ZNF276: variants seen among roughly 807,000 people sequenced by gnomAD.
The protein encoded by ZNF276 is centromere protein Z.
ZNF276 carries 59 observed loss-of-function variants against 63.9 expected under a neutral mutation model. The observed-to-expected ratio is 0.92, with a 90% CI of 0.75 to 1.15. The LOEUF is 1.15. ZNF276 is among the 50% of genes most tolerant of loss of function. The probability of loss-of-function intolerance (pLI) is 0.00; values close to 1 mark genes in which losing one functional copy is unlikely to be tolerated. For missense variants in ZNF276, 1,084 were observed against 843.8 expected, an observed-to-expected ratio of 1.28 and a Z score of -3.53; for synonymous variants, 496 against 348.4, an observed-to-expected ratio of 1.42 and a Z score of -4.72.
chr16:89,737,666 G>C lies in ZNF276; in HGVS notation c.1475-140G>C, dbSNP rs990780550. 5.3e-6 allele frequency: 8 copies of C among 1,498,052 alleles called. No individual in the cohort carries two copies. The African/African-American group carries it at 9.8e-5, about 18-fold the overall frequency. The allele number at this position is 1,498,052 out of a possible 1,614,324, so 92.8% of individuals were successfully genotyped here. A position where few individuals can be genotyped will look rare whatever the true frequency, so the allele number is the denominator to read the frequency against. On this transcript the variant is annotated intron_variant, in intron 9 of 10. Transcript: ENST00000443381. Reference sequence around the variant, plus strand: ...GATCTTAATAAACGAGGCCCTCATAGGCCCCTTGCTTGGGCCCACTGCATG... The same window carrying C: ...GATCTTAATAAACGAGGCCCTCATACGCCCCTTGCTTGGGCCCACTGCATG...
At position 89,738,305 on chromosome 16, in the gene ZNF276, C is replaced by G. The variant is rs1693023148; in HGVS notation, c.*59C>G. The G allele has an allele frequency of 6.5e-7, 1 of 1,531,376 alleles. No individual in the cohort carries two copies. The highest frequency in any genetic ancestry group is 1.4e-5 in the African/African-American group (1 of 72,918). The allele number at this position is 1,531,376 out of a possible 1,614,324, so 94.9% of individuals were successfully genotyped here. On this transcript the variant is annotated 3_prime_UTR_variant, in exon 11 of 11. Transcript: ENST00000443381. ...TGGACTCCGCAGTGGCTGTGTCAGC[C>G]TCACCCTTCGTGTGCACCCGCATGG... is the stretch of plus-strand genomic sequence containing the variant.
intron 9 of ZNF276, among the ~76,000 whole-genome samples, chr16:89,736,517 G>C (rs961296680): frequency 6.6e-6 from 1 of 151,524 alleles, no homozygotes; most frequent in African/African-American, 2.4e-5. Context: ...TAGAGACAGG[G>C]TTTTACCATA....
At chr16:89,733,640 C>A in intron 8 of ZNF276, 83 bp downstream of exon 8, 1 of 1,512,272 alleles carries the variant, frequency 6.6e-7, no homozygotes, top group Non-Finnish European at 9.2e-7. Context: ...TGCAGCCTAA[C>A]TCAGACTTGC....
At chr16:89,727,805 G>A (rs1187472655) in intron 5 of ZNF276, among the ~76,000 whole-genome samples, 1 of 152,236 alleles carries the variant, frequency 6.6e-6, no homozygotes, top group Non-Finnish European at 1.5e-5. Flanking sequence ...AGATGTTTCT[G>A]GAGTAGAGAA....
chr16:89,723,030 T>G, intron 2 of ZNF276, 107 bp from the exon 3 acceptor site: 1 of 1,604,638 alleles, frequency 6.2e-7, no homozygotes, highest in South Asian at 1.1e-5. Context: ...AAGAGAAAGT[T>G]GCCTATGGGG....
chr16:89,731,004 C>T (rs1380893091), intron 6 of ZNF276, among the ~76,000 whole-genome samples: 16 of 152,226 alleles, frequency 1.1e-4, no homozygotes. Flanking sequence ...TGAGCCCAGC[C>T]CACCCGGTCC....
chr16:89,737,649 T>C (rs1264247617), intron 9 of ZNF276, 157 bp from the exon 10 acceptor site: 9 of 1,412,400 alleles, frequency 6.4e-6, no homozygotes, highest in South Asian at 1.5e-5. Flanking sequence ...AAGATCTTAA[T>C]AAACGAGGCC....
In ZNF276 at chr16:89,721,866, T is replaced by TGGCGGGTTGGGGTCGC. The variant is rs1459558571; in HGVS notation, c.205+25_205+40dup. 2.5e-6 allele frequency: 3 copies of TGGCGGGTTGGGGTCGC among 1,199,542 alleles called. No homozygotes were observed. The East Asian group carries it at 1.0e-4, about 42-fold the overall frequency. 74.3% of individuals were successfully genotyped at this position (1,199,542 alleles called of 1,614,324 possible). A position where few individuals can be genotyped will look rare whatever the true frequency, so the allele number is the denominator to read the frequency against. On this transcript the variant is annotated intron_variant, in intron 1 of 10. Coordinates refer to ENST00000443381, the MANE Select transcript of ZNF276 (RefSeq NM_001113525.2). ...GGCAGGTGGGTCCGCGGCCCGGGCG[T>TGGCGGGTTGGGGTCGC]GGCGGGTTGGGGTCGCGGCAGGGGT...
Position 89,740,379 on chromosome 16 carries a change from C to A in ZNF276, c.*2133C>A. On this transcript the variant is annotated 3_prime_UTR_variant, in exon 11 of 11. Coordinates refer to ENST00000443381, the MANE Select transcript of ZNF276 (RefSeq NM_001113525.2). ...CACAGGCCGGATGCAGTGGCTCATGCCTGTAATCCCAACACTTTGGGAGGC... is the reference window on the plus strand; with the variant it reads ...CACAGGCCGGATGCAGTGGCTCATGACTGTAATCCCAACACTTTGGGAGGC... The A allele has an allele frequency of 2.0e-6, 1 of 507,144 alleles. No homozygotes were observed. Among genetic ancestry groups the A allele is most frequent in the African/African-American group, 1.9e-5 (1 of 52,130 alleles). The allele number at this position is 507,144 out of a possible 1,614,324, so 31.4% of individuals were successfully genotyped here. A position where few individuals can be genotyped will look rare whatever the true frequency, so the allele number is the denominator to read the frequency against.
At chr16:89,725,835 CAG>C (rs1006424115) in intron 4 of ZNF276, among the ~76,000 whole-genome samples, 2 of 152,120 alleles carry the variant, frequency 1.3e-5, no homozygotes, top group Non-Finnish European at 2.9e-5. Context: ...TAAGTAGAGA[CAG>C]GGTCTCACTC....
Position 89,733,561 on chromosome 16 carries a change from A to G in ZNF276, c.1356+4A>G, listed in dbSNP as rs772176484. On this transcript the variant is annotated splice_donor_region_variant and intron_variant, in intron 8 of 10. Coordinates refer to ENST00000443381, the MANE Select transcript of ZNF276 (RefSeq NM_001113525.2). The stretch of plus-strand genomic sequence containing the variant: ...CCGAGGCGCTGACGGCATGAAGGTG[A>G]GCACTGGCTGTGCCTGACCCAGGCC... 1 of 1,613,756 alleles carries G rather than the reference A, an allele frequency of 6.2e-7. No homozygotes were observed. Among genetic ancestry groups the G allele is most frequent in the Non-Finnish European group, 8.5e-7 (1 of 1,180,008 alleles).
chr16:89,723,968 C>T (rs1357431103), intron 4 of ZNF276, among the ~76,000 whole-genome samples: 1 of 152,238 alleles, frequency 6.6e-6, no homozygotes, highest in African/African-American at 2.4e-5. Flanking sequence ...CGCTCATCAG[C>T]CGTCGAGTCT....
rs1567592284 is a variant in ZNF276 at position 89,739,011 on chromosome 16, CATACAG to C, written c.*767_*772del. 1.9e-6 allele frequency: 3 copies of C among 1,614,104 alleles called. No homozygotes were observed. The highest frequency in any genetic ancestry group is 2.5e-6 in the Non-Finnish European group (3 of 1,180,042). The stretch of plus-strand genomic sequence containing the variant: ...ACAGGCAAACTCACAGGTTAGAAGA[CATACAG>C]AAACAGGGCTGGTGTGTCCCCCATA... On this transcript the variant is annotated 3_prime_UTR_variant, in exon 11 of 11. Coordinates refer to ENST00000443381, the MANE Select transcript of ZNF276 (RefSeq NM_001113525.2).
In ZNF276 at chr16:89,721,823, C is replaced by G. The variant is rs1030856832; in HGVS notation, c.183C>G (p.Gly61=). ...WGPVGSCGDA[G]EDGADEAGAG... ...CGGTGGGGTCCTGCGGGGACGCGGGCGAGGACGGCGCGGACGAGGCAGGTG... is the reference window on the plus strand; with the variant it reads ...CGGTGGGGTCCTGCGGGGACGCGGGGGAGGACGGCGCGGACGAGGCAGGTG... The change falls in exon 1 of 11, where the codon GGC becomes GGG. Residue 61 remains glycine (G), a synonymous_variant. Coordinates refer to ENST00000443381, the MANE Select transcript of ZNF276 (RefSeq NM_001113525.2). 9.8e-6 allele frequency: 12 copies of G among 1,224,808 alleles called. No homozygotes were observed. The highest frequency in any genetic ancestry group is 9.4e-5 in the African/African-American group (6 of 63,714). The allele number at this position is 1,224,808 out of a possible 1,614,324, so 75.9% of individuals were successfully genotyped here.
At position 89,721,582 on chromosome 16, in the gene ZNF276, C is replaced by A. The variant is rs1227007438; in HGVS notation, c.-59C>A. On this transcript the variant is annotated 5_prime_UTR_variant, in exon 1 of 11. Transcript: ENST00000443381. ...CGCCGAGCGGAGCCTAACGCCGGGTCCTCTAGGAACCTCGGGCCGGGCAGC... is the reference window on the plus strand; with the variant it reads ...CGCCGAGCGGAGCCTAACGCCGGGTACTCTAGGAACCTCGGGCCGGGCAGC... 1.3e-5 allele frequency: 19 copies of A among 1,441,990 alleles called. No homozygotes were observed. Among genetic ancestry groups the A allele is most frequent in the African/African-American group, 3.0e-5 (2 of 67,280 alleles). 89.3% of individuals were successfully genotyped at this position (1,441,990 alleles called of 1,614,324 possible). A position where few individuals can be genotyped will look rare whatever the true frequency, so the allele number is the denominator to read the frequency against.
At chr16:89,722,447 C>A (rs546911252) in intron 1 of ZNF276, 84 bp from the exon 2 acceptor site, 284 of 1,456,116 alleles carry the variant, frequency 2.0e-4, no homozygotes, top group Non-Finnish European at 2.4e-4. Flanking sequence ...GCTGCAGGCG[C>A]TGCCCTCGGA....
In ZNF276 at chr16:89,738,181, C is replaced by A; in HGVS notation, c.1780C>A (p.Pro594Thr). ...DKALPLEAEPPPGPPSPSVTT... is the reference protein window; with the variant it reads ...DKALPLEAEPTPGPPSPSVTT... Reference sequence around the variant, plus strand: ...GGCCCTGCCCCTGGAGGCGGAACCACCACCTGGGCCACCGAGCCCCTCTGT... The same window carrying A: ...GGCCCTGCCCCTGGAGGCGGAACCAACACCTGGGCCACCGAGCCCCTCTGT... The change falls in exon 11 of 11, where the codon CCA becomes ACA. Residue 594 changes from proline (P) to threonine (T), a missense_variant. Physicochemically the swap from Pro to Thr is conservative, Grantham distance 38. Transcript: ENST00000443381. The A allele has an allele frequency of 6.2e-7, 1 of 1,611,888 alleles. No individual in the cohort carries two copies. Among genetic ancestry groups the A allele is most frequent in the Non-Finnish European group, 8.5e-7 (1 of 1,179,468 alleles).
In ZNF276 at chr16:89,723,471, G is replaced by A. The variant is rs543905005; in HGVS notation, c.768G>A (p.Ala256=). 2.4e-5 allele frequency: 38 copies of A among 1,613,018 alleles called. No individual in the cohort carries two copies. The highest frequency in any genetic ancestry group is 3.3e-5 in the South Asian group (3 of 91,084). ...SSCKAFLLDS[A]LAVKWPWDKE... The stretch of plus-strand genomic sequence containing the variant: ...GCAAGGCCTTCTTGCTGGACAGTGC[G>A]CTGGCAGTCAAGTGGCCATGGGACA... The change falls in exon 4 of 11, where the codon GCG becomes GCA. Residue 256 remains alanine, a synonymous_variant. Coordinates refer to ENST00000443381, the MANE Select transcript of ZNF276 (RefSeq NM_001113525.2).
chr16:89,735,779 A>T (rs1388065594), intron 9 of ZNF276, among the ~76,000 whole-genome samples: 1 of 152,038 alleles, frequency 6.6e-6, no homozygotes, highest in Non-Finnish European at 1.5e-5. Context: ...CAGTGGCGCG[A>T]TCTTGGCTCA....
Sources: gnomAD v4.1 joint callset for allele counts (sites outside exome capture counted in the v4.1 genomes callset) on GRCh38, gnomAD v4.1.1 for gene constraint, MANE v1.5 for transcripts, NCBI Gene and HGNC (gene_info 2026-07-23, HGNC 2026-07-21) for gene names.